RGS20: variants seen among roughly 807,000 people sequenced by gnomAD.
RGS20 encodes regulator of G protein signaling 20, also known as gz-selective GTPase-activating protein.
In RGS20, 30 loss-of-function variants were observed where a neutral mutation model predicts 33.6. The observed-to-expected ratio is 0.89, with a 90% CI of 0.67 to 1.21. The LOEUF (loss-of-function observed/expected upper bound fraction) is 1.21. RGS20 is among the 50% of genes most tolerant of loss of function. The pLI is 0.00. For missense variants in RGS20, 472 were observed against 502.4 expected, an observed-to-expected ratio of 0.94 and a Z score of 0.58; for synonymous variants, 208 against 197.9, an observed-to-expected ratio of 1.05 and a Z score of -0.43.
intron 5 of RGS20, 39 bp from the exon 5 acceptor site, chr8:53,958,231 G>A (rs751115878): frequency 2.8e-6 from 4 of 1,450,428 alleles, no homozygotes; most frequent in Admixed American, 2.1e-5. Flanking sequence ...AGATACAACT[G>A]AAGTCTCTAA....
intron 2 of RGS20, among the ~76,000 whole-genome samples, chr8:53,920,275 T>A (rs1813604632): frequency 6.6e-6 from 1 of 152,166 alleles, no homozygotes; most frequent in Admixed American, 6.5e-5. Flanking sequence ...TTTATTCTTT[T>A]GATACTATAT....
At chr8:53,921,445 T>TC (rs1813643079) in intron 2 of RGS20, among the ~76,000 whole-genome samples, 1 of 150,338 alleles carries the variant, frequency 6.7e-6, no homozygotes, top group Non-Finnish European at 1.5e-5. Flanking sequence ...AGCTTTTCTT[T>TC]TTTTTTTTTT....
intron 3 of RGS20, among the ~76,000 whole-genome samples, chr8:53,944,272 G>T (rs1316057675): frequency 6.6e-6 from 1 of 152,154 alleles, no homozygotes; most frequent in Non-Finnish European, 1.5e-5. Context: ...AGGCGCGATG[G>T]CTCACGCCTG....
In RGS20 at chr8:53,880,775, C is replaced by G. The variant is rs906529574; in HGVS notation, c.510+1173C>G. On this transcript the variant is annotated intron_variant, in intron 2 of 5. Transcript: ENST00000297313. ...CCCCGCGTGGGGCCTCGGGGGTACCCCTAGCACCCGCGGCGGTGGAGTGCG... is the reference window on the plus strand; with the variant it reads ...CCCCGCGTGGGGCCTCGGGGGTACCGCTAGCACCCGCGGCGGTGGAGTGCG... 28 of 1,159,660 alleles carry G rather than the reference C, an allele frequency of 2.4e-5. No individual in the cohort carries two copies. In the African/African-American group the frequency reaches 4.2e-4, roughly 17 times the overall value. The allele number at this position is 1,159,660 out of a possible 1,614,324, so 71.8% of individuals were successfully genotyped here.
At chr8:53,881,241 T>G (rs564806213) in intron 2 of RGS20, among the ~76,000 whole-genome samples, 157 bp downstream of exon 1, 1 of 151,804 alleles carries the variant, frequency 6.6e-6, no homozygotes, top group African/African-American at 2.4e-5. Flanking sequence ...AGTCGGGGGT[T>G]CCTTCCCGCA....
At chr8:53,953,734 A>G (rs1037620209) in intron 4 of RGS20, among the ~76,000 whole-genome samples, 3 of 152,176 alleles carry the variant, frequency 2.0e-5, no homozygotes. Flanking sequence ...ATGATTAGGA[A>G]GTTTTGGGTC....
At chr8:53,948,294 C>T (rs879277834) in intron 4 of RGS20, among the ~76,000 whole-genome samples, 74 of 135,754 alleles carry the variant, frequency 5.5e-4, no homozygotes, top group Admixed American at 3.8e-3. Context: ...TTTATATATA[C>T]GATATATGAT....
At chr8:53,887,979 A>T (rs1585889665) in intron 2 of RGS20, among the ~76,000 whole-genome samples, 1 of 133,506 alleles carries the variant, frequency 7.5e-6, no homozygotes, top group South Asian at 2.2e-4. Context: ...ACCCTGACTT[A>T]AAAAAAAAAA....
intron 1 of RGS20, among the ~76,000 whole-genome samples, chr8:53,859,022 G>A (rs1811747554): frequency 6.6e-6 from 1 of 152,072 alleles, no homozygotes; most frequent in African/African-American, 2.4e-5. Flanking sequence ...AAGTAGGAGT[G>A]TAAGAGATAA....
intron 1 of RGS20, among the ~76,000 whole-genome samples, chr8:53,863,690 T>C (rs1811858327): frequency 6.6e-6 from 1 of 151,898 alleles, no homozygotes. Flanking sequence ...TGAATTCAGG[T>C]CTAAGTTGTA....
At chr8:53,952,427 A>G (rs1441028162) in intron 4 of RGS20, among the ~76,000 whole-genome samples, 6 of 151,356 alleles carry the variant, frequency 4.0e-5, no homozygotes, top group Non-Finnish European at 1.5e-5. Flanking sequence ...ATTTTGATAA[A>G]CTTAAAAAAA....
chr8:53,911,694 G>A (rs1033769430), intron 2 of RGS20, among the ~76,000 whole-genome samples: 1 of 152,314 alleles, frequency 6.6e-6, no homozygotes, highest in East Asian at 1.9e-4. Context: ...AGCACTTTGG[G>A]AGCCTGAGGT....
intron 2 of RGS20, among the ~76,000 whole-genome samples, chr8:53,898,810 A>G (rs1189969976): frequency 6.6e-6 from 1 of 152,238 alleles, no homozygotes; most frequent in Non-Finnish European, 1.5e-5. Context: ...CTATAAATAC[A>G]ATAATTCTCT....
chr8:53,925,973 C>A (rs1447388839), intron 2 of RGS20, among the ~76,000 whole-genome samples: 1 of 152,058 alleles, frequency 6.6e-6, no homozygotes. Flanking sequence ...GTAATCTCAG[C>A]ACTTCGGAAG....
intron 3 of RGS20, among the ~76,000 whole-genome samples, chr8:53,944,154 G>A (rs1814393632): frequency 6.6e-6 from 1 of 152,194 alleles, no homozygotes; most frequent in Admixed American, 6.5e-5. Flanking sequence ...AATTGTCAGT[G>A]ATAAAATCCA....
intron 2 of RGS20, among the ~76,000 whole-genome samples, chr8:53,882,474 C>T (rs1250337451): frequency 2.0e-5 from 3 of 152,094 alleles, no homozygotes; most frequent in Non-Finnish European, 4.4e-5. Flanking sequence ...CTGCTGCCCA[C>T]GGGCCACGGG....
chr8:53,931,077 G>A (rs569485293), intron 2 of RGS20, among the ~76,000 whole-genome samples: 1 of 152,292 alleles, frequency 6.6e-6, no homozygotes, highest in African/African-American at 2.4e-5. Context: ...AAGCATGACT[G>A]TGGCTGACCG....
At chr8:53,933,110 C>T (rs1360168052) in intron 2 of RGS20, among the ~76,000 whole-genome samples, 3 of 152,132 alleles carry the variant, frequency 2.0e-5, no homozygotes, top group South Asian at 2.1e-4. Context: ...CCAAAGATCA[C>T]CAACATCAAA....
intron 2 of RGS20, among the ~76,000 whole-genome samples, chr8:53,904,594 T>C (rs1378369851): frequency 6.6e-6 from 1 of 152,228 alleles, no homozygotes; most frequent in Admixed American, 6.5e-5. Flanking sequence ...AATGATGGCC[T>C]CATATATTCC....
Sources: allele counts gnomAD v4.1 joint callset (sites outside exome capture counted in the v4.1 genomes callset), GRCh38; gene constraint gnomAD v4.1.1; transcripts MANE v1.5; gene names NCBI Gene and HGNC (gene_info 2026-07-23, HGNC 2026-07-21).